Variants in PTPRA observed in about 807,000 individuals in gnomAD.
The protein encoded by PTPRA is protein tyrosine phosphatase receptor type A.
Under a neutral mutation model 104.8 loss-of-function variants are expected in PTPRA, and 25 were observed. That is an observed-to-expected ratio of 0.24 (90% CI 0.17 to 0.33). The LOEUF is 0.33. Among genes scored for constraint, PTPRA ranks in the 10% least tolerant of loss-of-function variants. PTPRA has a pLI of 1.00. For synonymous variants in PTPRA, 323 were observed against 368.9 expected (o/e 0.88, Z 1.43); for missense variants, 765 against 1,015.3 (o/e 0.75, Z 3.35).
intron 1 of PTPRA, among the ~76,000 whole-genome samples, chr20:2,921,170 C>T (rs1600113766): frequency 6.6e-6 from 1 of 152,174 alleles, no homozygotes; most frequent in East Asian, 1.9e-4. Context: ...AGCAGGAGGG[C>T]AAACTGAATG....
chr20:2,876,039 G>C (rs1248227424), intron 1 of PTPRA, among the ~76,000 whole-genome samples: 1 of 152,186 alleles, frequency 6.6e-6, no homozygotes, highest in African/African-American at 2.4e-5. Context: ...GGACAATGGA[G>C]AGCTACTAGA....
chr20:3,024,680 T>A lies in PTPRA; in HGVS notation c.1614+59T>A, dbSNP rs1020687168. On this transcript the variant is annotated intron_variant, in intron 17 of 23. Coordinates refer to ENST00000399903, the MANE Select transcript of PTPRA (RefSeq NM_001385305.1). ...AAGGATCCTTGTAATCTGGGGAACA[T>A]GGGATGCCTGACTGTGCATTTGCCA... is the stretch of plus-strand genomic sequence containing the variant. 3.8e-6 allele frequency: 6 copies of A among 1,591,880 alleles called. No individual in the cohort carries two copies. The South Asian group carries it at 4.5e-5, about 12-fold the overall frequency.
chr20:2,952,590 T>C (rs186433924), intron 3 of PTPRA, among the ~76,000 whole-genome samples: 5 of 152,330 alleles, frequency 3.3e-5, no homozygotes, highest in Non-Finnish European at 7.4e-5. Flanking sequence ...ACATTTTAAC[T>C]CTTTGTAAGT....
At chr20:2,875,310 A>C (rs1012914178) in intron 1 of PTPRA, among the ~76,000 whole-genome samples, 3 of 152,158 alleles carry the variant, frequency 2.0e-5, no homozygotes, top group South Asian at 2.1e-4. Flanking sequence ...GCCTCCAAAA[A>C]ACTGTCTCTG....
chr20:2,911,335 A>T (rs1295890415), intron 1 of PTPRA, among the ~76,000 whole-genome samples: 1 of 152,186 alleles, frequency 6.6e-6, no homozygotes, highest in Non-Finnish European at 1.5e-5. Flanking sequence ...GGTGAGTCAC[A>T]CTGATACTGC....
chr20:2,927,870 C>T (rs145513120), intron 2 of PTPRA, among the ~76,000 whole-genome samples: 83 of 151,928 alleles, frequency 5.5e-4, no homozygotes, highest in African/African-American at 1.9e-3. Context: ...ATTAGCCAGG[C>T]GTGGTGGTGG....
intron 2 of PTPRA, among the ~76,000 whole-genome samples, chr20:2,944,055 T>C (rs1478361143): frequency 1.3e-5 from 2 of 150,768 alleles, no homozygotes; most frequent in Non-Finnish European, 3.0e-5. Flanking sequence ...TTTTTTTTTT[T>C]TTTTAGACAG....
chr20:2,989,972 A>T (rs1406044794), intron 9 of PTPRA, among the ~76,000 whole-genome samples: 1 of 152,160 alleles, frequency 6.6e-6, no homozygotes, highest in Non-Finnish European at 1.5e-5. Context: ...AGCCGAGATC[A>T]TGCTACTGCA....
chr20:2,967,607 TC>T (rs2061993587), intron 5 of PTPRA, among the ~76,000 whole-genome samples: 2 of 152,226 alleles, frequency 1.3e-5, no homozygotes, highest in South Asian at 4.1e-4. Context: ...ACACCTGTAA[TC>T]CCAGCACTTT....
At chr20:3,027,892 T>C in intron 20 of PTPRA, 51 bp downstream of exon 20, 2 of 1,605,636 alleles carry the variant, frequency 1.2e-6, no homozygotes, top group Non-Finnish European at 1.7e-6. Context: ...CATGAAAAGA[T>C]GTGTGTGTAA....
chr20:2,916,959 CTTTTTT>C (rs35317223), intron 1 of PTPRA, among the ~76,000 whole-genome samples: 1 of 131,548 alleles, frequency 7.6e-6, no homozygotes, highest in Non-Finnish European at 1.6e-5. Context: ...TTTTTTATTT[CTTTTTT>C]TTTTTTTTTT....
At chr20:2,886,613 G>A (rs1183923704) in intron 1 of PTPRA, among the ~76,000 whole-genome samples, 1 of 151,800 alleles carries the variant, frequency 6.6e-6, no homozygotes, top group Non-Finnish European at 1.5e-5. Context: ...GGGAGGCCGA[G>A]GCGGGCGGAT....
intron 1 of PTPRA, among the ~76,000 whole-genome samples, chr20:2,905,753 C>T (rs958094319): frequency 1.5e-5 from 2 of 131,062 alleles, no homozygotes; most frequent in Admixed American, 1.8e-4. Flanking sequence ...GGTGTGGTCT[C>T]AGCTCACCAC....
Position 3,026,772 on chromosome 20 carries a change from T to G in PTPRA, c.1700T>G (p.Ile567Ser). ...ANMKKNRVLQIIPYEFNRVII... is the reference protein window; with the variant it reads ...ANMKKNRVLQSIPYEFNRVII... ...ATGAAGAAGAACCGTGTTTTACAGATCATTCCATGTAAGAGCCCTCCCGCC... is the reference window on the plus strand; with the variant it reads ...ATGAAGAAGAACCGTGTTTTACAGAGCATTCCATGTAAGAGCCCTCCCGCC... The change falls in exon 18 of 24, where the codon ATC becomes AGC. Residue 567 changes from isoleucine (I) to serine (S), a missense_variant. Transcript: ENST00000399903. The G allele has an allele frequency of 6.2e-7, 1 of 1,608,070 alleles. No individual in the cohort carries two copies.
chr20:2,875,330 A>G (rs2089648654), intron 1 of PTPRA, among the ~76,000 whole-genome samples: 1 of 152,122 alleles, frequency 6.6e-6, no homozygotes, highest in South Asian at 2.1e-4. Context: ...GAAAGACTAA[A>G]AGCCCTTCAG....
chr20:2,898,105 T>C (rs1260259967), intron 1 of PTPRA, among the ~76,000 whole-genome samples: 2 of 151,706 alleles, frequency 1.3e-5, no homozygotes, highest in Admixed American at 1.3e-4. Context: ...TTTTATTTTT[T>C]TTATTTTTTG....
At chr20:3,032,745 G>A (rs575760683) in intron 20 of PTPRA, among the ~76,000 whole-genome samples, 12 of 149,840 alleles carry the variant, frequency 8.0e-5, no homozygotes, top group Middle Eastern at 6.9e-3. Context: ...CAGCCTGGTG[G>A]CAGAGTGAGA....
At chr20:2,966,505 A>G (rs1004653621) in intron 5 of PTPRA, among the ~76,000 whole-genome samples, 1 of 152,212 alleles carries the variant, frequency 6.6e-6, no homozygotes, top group Non-Finnish European at 1.5e-5. Context: ...AGTAAAATAT[A>G]TGAAGGTACC....
At chr20:3,006,242 G>A (rs949590083) in intron 10 of PTPRA, among the ~76,000 whole-genome samples, 2 of 152,138 alleles carry the variant, frequency 1.3e-5, no homozygotes, top group Admixed American at 1.3e-4. Context: ...AAGCTGGGGT[G>A]CAATGATGTG....
Sources: allele counts gnomAD v4.1 joint callset (sites outside exome capture counted in the v4.1 genomes callset), GRCh38; gene constraint gnomAD v4.1.1; transcripts MANE v1.5; gene names NCBI Gene and HGNC (gene_info 2026-07-23, HGNC 2026-07-21).